Variants in CBFA2T2 observed in about 807,000 individuals in gnomAD.
CBFA2T2 encodes CBFA2/RUNX1 partner transcriptional co-repressor 2.
In CBFA2T2, 11 loss-of-function variants were observed where a neutral mutation model predicts 62.2. The ratio of observed to expected loss-of-function variants is 0.18; its 90% CI spans 0.11 to 0.29. The LOEUF (loss-of-function observed/expected upper bound fraction) is 0.29, where lower values mean the gene tolerates loss of function less well. CBFA2T2 is among the 10% of genes least tolerant of loss of function. The pLI, the probability that CBFA2T2 is intolerant of heterozygous loss-of-function variation, is 1.00. For synonymous variants in CBFA2T2, 295 were observed against 287.5 expected (o/e 1.03, Z -0.27); for missense variants, 592 against 774.1 (o/e 0.76, Z 2.79).
intron 1 of CBFA2T2, among the ~76,000 whole-genome samples, chr20:33,501,251 G>A (rs900189644): frequency 2.0e-5 from 3 of 152,190 alleles, no homozygotes; most frequent in African/African-American, 7.2e-5. Context: ...ATCAGGCATA[G>A]CACAGCTCCC....
At chr20:33,624,253 A>AAG (rs2016127387) in intron 5 of CBFA2T2, among the ~76,000 whole-genome samples, 2 of 150,640 alleles carry the variant, frequency 1.3e-5, no homozygotes, top group African/African-American at 2.5e-5. Context: ...AAAAAAAAAA[A>AAG]AAGAAAATTT....
At chr20:33,515,688 C>T (rs1306653666) in intron 1 of CBFA2T2, among the ~76,000 whole-genome samples, 1 of 149,974 alleles carries the variant, frequency 6.7e-6, no homozygotes, top group Non-Finnish European at 1.5e-5. Context: ...GTAATCCCAG[C>T]TAATTGGGAG....
intron 10 of CBFA2T2, among the ~76,000 whole-genome samples, chr20:33,641,118 C>T (rs1170291595): frequency 1.3e-5 from 2 of 152,034 alleles, no homozygotes; most frequent in Non-Finnish European, 2.9e-5. Flanking sequence ...CTGCAAGCTC[C>T]ACCTCCTGGG....
At chr20:33,494,321 G>T (rs1376922699) in intron 1 of CBFA2T2, among the ~76,000 whole-genome samples, 5 of 98,312 alleles carry the variant, frequency 5.1e-5, no homozygotes, top group African/African-American at 2.1e-4. Context: ...TCGCTCTGTT[G>T]CCCAGGCTGG....
At position 33,520,889 on chromosome 20, in the gene CBFA2T2, ACT is replaced by A. The variant is rs367993043; in HGVS notation, c.34+30589_34+30590del. ...TCGTTTATTTGTTCAGGAAATAATC[ACT>A]GTTTTTACACACGCACGCGCACACA... On this transcript the variant is annotated intron_variant, in intron 1 of 10. Coordinates refer to ENST00000342704, the MANE Select transcript of CBFA2T2 (RefSeq NM_001032999.3). Among the ~76,000 whole-genome samples, 841 of 151,528 alleles carry A rather than the reference ACT, an allele frequency of 5.6e-3. 9 individuals are homozygous for A. Among genetic ancestry groups the A allele is most frequent in the African/African-American group, 0.019 (792 of 41,316 alleles).
At chr20:33,490,532 T>C (rs2011138944) in intron 1 of CBFA2T2, among the ~76,000 whole-genome samples, 1 of 151,880 alleles carries the variant, frequency 6.6e-6, no homozygotes, top group South Asian at 2.1e-4. Context: ...GTGAGGGAAA[T>C]TGTGGGGCCC....
At chr20:33,595,598 CTGAAGTGCAG>C (rs1001154543) in intron 1 of CBFA2T2, among the ~76,000 whole-genome samples, 1 of 151,918 alleles carries the variant, frequency 6.6e-6, no homozygotes, top group Non-Finnish European at 1.5e-5. Flanking sequence ...GTCACCCAGG[CTGAAGTGCAG>C]TGGCACAATC....
At chr20:33,537,353 A>T (rs209667) in intron 1 of CBFA2T2, among the ~76,000 whole-genome samples, 10 of 152,184 alleles carry the variant, frequency 6.6e-5, no homozygotes, top group Admixed American at 1.3e-4. Flanking sequence ...CAGGCGTGGC[A>T]GCGCGCGCCT....
chr20:33,613,924 AAAAGT>A (rs1441829914), intron 3 of CBFA2T2, among the ~76,000 whole-genome samples: 7 of 152,302 alleles, frequency 4.6e-5, no homozygotes, highest in Admixed American at 3.9e-4. Flanking sequence ...TTTCAAGACT[AAAAGT>A]AAAAATGTCA....
At chr20:33,643,859 G>GTA (rs1282344091) in intron 10 of CBFA2T2, among the ~76,000 whole-genome samples, 2,105 of 95,808 alleles carry the variant, frequency 0.022, 177 homozygotes, top group African/African-American at 0.074. Context: ...GTGTGTGTGT[G>GTA]TATATAATGT....
chr20:33,541,099 A>G (rs1329659325), intron 1 of CBFA2T2, among the ~76,000 whole-genome samples: 5 of 152,200 alleles, frequency 3.3e-5, no homozygotes, highest in Admixed American at 1.3e-4. Context: ...GAACCAGTCA[A>G]CTGGCACCTC....
intron 1 of CBFA2T2, among the ~76,000 whole-genome samples, chr20:33,512,490 C>T (rs918036407): frequency 6.6e-6 from 1 of 152,156 alleles, no homozygotes; most frequent in African/African-American, 2.4e-5. Context: ...TTGCTTTATT[C>T]TTTTTGAACT....
chr20:33,579,119 T>G (rs943342166), intron 1 of CBFA2T2, among the ~76,000 whole-genome samples: 11 of 151,156 alleles, frequency 7.3e-5, no homozygotes, highest in East Asian at 3.8e-4. Flanking sequence ...TTTTTTGTTT[T>G]TTTTTTTTTT....
At chr20:33,631,827 T>G (rs2016464043) in intron 8 of CBFA2T2, among the ~76,000 whole-genome samples, 1 of 152,232 alleles carries the variant, frequency 6.6e-6, no homozygotes, top group African/African-American at 2.4e-5. Flanking sequence ...TTAGATAGTA[T>G]ATTTTAGTGT....
intron 1 of CBFA2T2, among the ~76,000 whole-genome samples, chr20:33,604,810 C>CTTCCT (rs2015277656): frequency 6.6e-6 from 1 of 152,220 alleles, no homozygotes; most frequent in Non-Finnish European, 1.5e-5. Flanking sequence ...CTGTCAGTTC[C>CTTCCT]TTCCTTTCCT....
intron 1 of CBFA2T2, among the ~76,000 whole-genome samples, chr20:33,606,011 G>A (rs996778413): frequency 6.6e-6 from 1 of 151,858 alleles, no homozygotes; most frequent in Admixed American, 6.6e-5. Flanking sequence ...TAGAGACAGG[G>A]TTTCACCATG....
chr20:33,497,534 T>A (rs1221295962), intron 1 of CBFA2T2, among the ~76,000 whole-genome samples: 1 of 150,014 alleles, frequency 6.7e-6, no homozygotes, highest in Non-Finnish European at 1.5e-5. Flanking sequence ...TGACTGTGTT[T>A]GAAGCTTGTA....
chr20:33,602,450 A>C (rs1180195775), intron 1 of CBFA2T2, among the ~76,000 whole-genome samples: 1 of 151,286 alleles, frequency 6.6e-6, no homozygotes, highest in African/African-American at 2.4e-5. Flanking sequence ...AAAAAAAAAA[A>C]AAACTCAAAA....
chr20:33,627,797 C>T (rs1355535861), intron 6 of CBFA2T2, among the ~76,000 whole-genome samples: 1 of 152,200 alleles, frequency 6.6e-6, no homozygotes, highest in African/African-American at 2.4e-5. Context: ...AGACTAAGCA[C>T]TGTTACTGTA....
Sources: gnomAD v4.1 joint callset for allele counts (sites outside exome capture counted in the v4.1 genomes callset) on GRCh38, gnomAD v4.1.1 for gene constraint, MANE v1.5 for transcripts, NCBI Gene and HGNC (gene_info 2026-07-23, HGNC 2026-07-21) for gene names.